Variants in CHL1 observed in about 807,000 individuals in gnomAD.
CHL1 encodes the protein neural cell adhesion molecule L1-like protein.
Under a neutral mutation model 141.9 loss-of-function variants are expected in CHL1, and 96 were observed. The ratio of observed to expected loss-of-function variants is 0.68; its 90% CI spans 0.57 to 0.80. The LOEUF is 0.80. Ranked by LOEUF, CHL1 falls within the 30% of genes least tolerant of loss-of-function variation. The pLI, the probability that CHL1 is intolerant of heterozygous loss-of-function variation, is 0.00. For missense variants in CHL1, 1,820 were observed against 1,457.2 expected, an observed-to-expected ratio of 1.25 and a Z score of -4.05; for synonymous variants, 613 against 502.2, an observed-to-expected ratio of 1.22 and a Z score of -2.95.
chr3:343,562 A>G (rs3821620), intron 8 of CHL1, among the ~76,000 whole-genome samples: 50,225 of 152,106 alleles, frequency 0.33, 10,349 homozygotes, highest in East Asian at 0.5. Flanking sequence ...TAGAACGTCT[A>G]CCAGAACTTG....
rs529146540 is a variant in CHL1 at position 328,387 on chromosome 3, G to T, written c.385+33G>T. ...CTATAACGGGAATTTCATTTTACAAGTGTTTTAGTGAAGTGTTAAATAGGA... is the reference window on the plus strand; with the variant it reads ...CTATAACGGGAATTTCATTTTACAATTGTTTTAGTGAAGTGTTAAATAGGA... On this transcript the variant is annotated intron_variant, in intron 5 of 27. Transcript: ENST00000256509. 95 of 1,543,782 alleles carry T rather than the reference G, an allele frequency of 6.2e-5. 1 individual carries two copies. The South Asian group carries it at 1.0e-3, about 17-fold the overall frequency.
chr3:382,343 C>G lies in CHL1; in HGVS notation c.1978+63C>G, dbSNP rs1452539133. Reference sequence around the variant, plus strand: ...ATAGTCAAAATTAATAGCGAAGTCACTTTTTAACCACTCTTACTGGTTTAT... The same window carrying G: ...ATAGTCAAAATTAATAGCGAAGTCAGTTTTTAACCACTCTTACTGGTTTAT... On this transcript the variant is annotated intron_variant, in intron 17 of 27. Coordinates refer to ENST00000256509, the MANE Select transcript of CHL1 (RefSeq NM_006614.4). 2.0e-6 allele frequency: 3 copies of G among 1,505,126 alleles called. No individual in the cohort carries two copies. In the East Asian group the frequency reaches 6.8e-5, roughly 34 times the overall value. 93.2% of individuals were successfully genotyped at this position (1,505,126 alleles called of 1,614,324 possible).
chr3:273,874 A>T (rs1360286916), intron 2 of CHL1, among the ~76,000 whole-genome samples: 1 of 152,280 alleles, frequency 6.6e-6, no homozygotes, highest in Middle Eastern at 3.4e-3. Context: ...CCATGCTGTA[A>T]CCAGATAATT....
At chr3:237,288 A>G (rs1692088066) in intron 1 of CHL1, among the ~76,000 whole-genome samples, 1 of 152,136 alleles carries the variant, frequency 6.6e-6, no homozygotes, top group South Asian at 2.1e-4. Context: ...CTCTGCTGCC[A>G]CCATGCAAGA....
In CHL1 at chr3:263,594, A is replaced by G. The variant is rs974467082; in HGVS notation, c.-95+18902A>G. Among the ~76,000 whole-genome samples the G allele has an allele frequency of 2.0e-5, 3 of 152,248 alleles. No homozygotes were observed. The East Asian group carries it at 5.8e-4, about 29-fold the overall frequency. ...TTTGCATTTGTCACTGCTCCAAATC[A>G]TTCACGTATCTCTGTATCTGCGTCT... On this transcript the variant is annotated intron_variant, in intron 2 of 27. Transcript: ENST00000256509.
In CHL1 at chr3:366,020, T is replaced by G. The variant is rs1378879735; in HGVS notation, c.1656T>G (p.Cys552Trp). The G allele has an allele frequency of 2.5e-5, 41 of 1,613,282 alleles. No homozygotes were observed. Among genetic ancestry groups the G allele is most frequent in the Non-Finnish European group, 3.5e-5 (41 of 1,179,432 alleles). Residue 552 changes from cysteine (C) to tryptophan (W), a missense_variant, in exon 15 of 28, where the codon TGT becomes TGG. Transcript: ENST00000256509. ...AATTGCATATGCTTGAATTACATTG[T>G]GAAAGCAAATGTGACTCACATTTGA... ...IPKLHMLELH[C>W]ESKCDSHLKH...
At chr3:392,663 C>T (rs1177461509) in intron 23 of CHL1, among the ~76,000 whole-genome samples, 1 of 152,228 alleles carries the variant, frequency 6.6e-6, no homozygotes, top group African/African-American at 2.4e-5. Flanking sequence ...AGACCCAGCA[C>T]ACACTGCTTA....
At chr3:204,802 T>A (rs1049970109) in intron 1 of CHL1, among the ~76,000 whole-genome samples, 3 of 152,142 alleles carry the variant, frequency 2.0e-5, no homozygotes, top group African/African-American at 7.2e-5. Flanking sequence ...ATTTCTATTT[T>A]AAAAAAAAAT....
At chr3:277,049 C>G (rs780851080) in intron 2 of CHL1, among the ~76,000 whole-genome samples, 8 of 151,896 alleles carry the variant, frequency 5.3e-5, no homozygotes, top group Non-Finnish European at 8.8e-5. Context: ...TTGTACCTGC[C>G]TCATAGGATT....
Position 276,544 on chromosome 3 carries a change from G to A in CHL1, c.-95+31852G>A, listed in dbSNP as rs1379057766. ...GGAAAATCTCCTGATTAAAAGAGTC[G>A]TACACTGATCTCAAAAAGACTTCAA... On this transcript the variant is annotated intron_variant, in intron 2 of 27. Coordinates refer to ENST00000256509, the MANE Select transcript of CHL1 (RefSeq NM_006614.4). Among the ~76,000 whole-genome samples the A allele has an allele frequency of 2.6e-5, 4 of 152,062 alleles. 1 individual carries two copies. The highest frequency in any genetic ancestry group is 2.9e-5 in the Non-Finnish European group (2 of 68,020).
intron 2 of CHL1, among the ~76,000 whole-genome samples, chr3:270,361 T>G (rs2125241641): frequency 1.3e-5 from 2 of 152,314 alleles, no homozygotes; most frequent in East Asian, 1.9e-4. Flanking sequence ...TTATTTTTCC[T>G]GAATTTAAAC....
intron 1 of CHL1, among the ~76,000 whole-genome samples, chr3:198,297 G>GCGGAGCAGCCC (rs1559256298): frequency 6.6e-6 from 1 of 152,016 alleles, no homozygotes. Flanking sequence ...CGTGGGAGCC[G>GCGGAGCAGCCC]CGGAGCAGCC....
At chr3:338,991 C>T (rs892127172) in intron 5 of CHL1, among the ~76,000 whole-genome samples, 51 of 152,250 alleles carry the variant, frequency 3.3e-4, no homozygotes, top group African/African-American at 1.2e-3. Flanking sequence ...ATCCAGTGAA[C>T]TGTGTATTCA....
At chr3:229,675 CT>C in intron 1 of CHL1, among the ~76,000 whole-genome samples, 1 of 152,192 alleles carries the variant, frequency 6.6e-6, no homozygotes, top group East Asian at 1.9e-4. Context: ...TTTATCGACT[CT>C]TGGTGGGATT....
rs1157451665 is a variant in CHL1, at chr3:325,435, T to G, written c.92-524T>G. Among the ~76,000 whole-genome samples, 4 of 147,832 alleles carry G rather than the reference T, an allele frequency of 2.7e-5. No homozygotes were observed. In the East Asian group the frequency reaches 6.0e-4, roughly 22 times the overall value. Reference sequence around the variant, plus strand: ...AAATCTATTTACTCAAAATTCCTATTGAAATAGTTTACCTGGAAAGAAAAA... The same window carrying G: ...AAATCTATTTACTCAAAATTCCTATGGAAATAGTTTACCTGGAAAGAAAAA... On this transcript the variant is annotated intron_variant, in intron 3 of 27. Transcript: ENST00000256509.
intron 7 of CHL1, 92 bp downstream of exon 7, chr3:342,174 G>A: frequency 2.5e-6 from 3 of 1,203,016 alleles, no homozygotes; most frequent in Admixed American, 2.2e-5. Flanking sequence ...AAGCTGGGTT[G>A]ATATTTTGCA....
intron 2 of CHL1, among the ~76,000 whole-genome samples, chr3:262,728 C>T (rs2125203590): frequency 6.6e-6 from 1 of 152,294 alleles, no homozygotes; most frequent in African/African-American, 2.4e-5. Context: ...TTGCTGTGTG[C>T]CAAAGCAGAA....
intron 2 of CHL1, among the ~76,000 whole-genome samples, chr3:250,387 A>G (rs1693579755): frequency 6.6e-6 from 1 of 152,142 alleles, no homozygotes; most frequent in African/African-American, 2.4e-5. Flanking sequence ...AAGTGACAAG[A>G]CAAAGGAAAA....
At chr3:370,196 G>A (rs922288991) in intron 15 of CHL1, among the ~76,000 whole-genome samples, 2 of 152,150 alleles carry the variant, frequency 1.3e-5, no homozygotes, top group African/African-American at 4.8e-5. Context: ...TTGTACTTCT[G>A]GTAGAATTCG....
Sources: allele counts gnomAD v4.1 joint callset (sites outside exome capture counted in the v4.1 genomes callset), GRCh38; gene constraint gnomAD v4.1.1; transcripts MANE v1.5; gene names NCBI Gene and HGNC (gene_info 2026-07-23, HGNC 2026-07-21).